LARGE1: variants seen among roughly 807,000 people sequenced by gnomAD.
LARGE1 encodes LARGE xylosyl- and glucuronyltransferase 1.
A neutral mutation model predicts 87.6 loss-of-function variants in LARGE1; 43 were observed. That is an observed-to-expected ratio of 0.49 (90% CI 0.38 to 0.63). The LOEUF (loss-of-function observed/expected upper bound fraction) is 0.63. Among genes scored for constraint, LARGE1 ranks in the 30% least tolerant of loss-of-function variants. LARGE1 has a pLI of 0.00. For missense variants in LARGE1, 802 were observed against 1,000.2 expected, an observed-to-expected ratio of 0.80 and a Z score of 2.67; for synonymous variants, 434 against 394.6, an observed-to-expected ratio of 1.10 and a Z score of -1.18.
chr22:33,626,446 A>G lies in LARGE1; in HGVS notation c.409-120T>C, dbSNP rs2079925653. 28 of 758,492 alleles carry G rather than the reference A, an allele frequency of 3.7e-5. 1 individual carries two copies. The South Asian group carries it at 4.1e-4, about 11-fold the overall frequency. The allele number at this position is 758,492 out of a possible 1,614,324, so 47.0% of individuals were successfully genotyped here. ...TTCTTGTTGGCATCATTAGAAAACAAAGGACACTGTCTGCAGCTGTGGAAA... is the reference window on the plus strand; with the variant it reads ...TTCTTGTTGGCATCATTAGAAAACAGAGGACACTGTCTGCAGCTGTGGAAA... On this transcript the variant is annotated intron_variant, in intron 3 of 14. Coordinates refer to ENST00000397394, the MANE Select transcript of LARGE1 (RefSeq NM_133642.5).
intron 1 of LARGE1, among the ~76,000 whole-genome samples, chr22:33,811,160 C>T (rs889657528): frequency 5.9e-5 from 9 of 152,144 alleles, no homozygotes; most frequent in African/African-American, 1.9e-4. Context: ...GTCTGCTCCT[C>T]CATAAAGTCA....
At chr22:33,367,505 G>A (rs2064640702) in intron 9 of LARGE1, among the ~76,000 whole-genome samples, 1 of 152,118 alleles carries the variant, frequency 6.6e-6, no homozygotes, top group Non-Finnish European at 1.5e-5. Context: ...GCAGTCTGGA[G>A]CTCCTGGGCT....
chr22:33,177,039 C>T (rs1383319696), intron 11 of LARGE1, among the ~76,000 whole-genome samples: 1 of 152,156 alleles, frequency 6.6e-6, no homozygotes, highest in African/African-American at 2.4e-5. Flanking sequence ...CTGTCATTCT[C>T]AGCAAACTAA....
Position 33,337,784 on chromosome 22 carries a change from G to C in LARGE1, c.1149C>G (p.Ser383=). 1.2e-6 allele frequency: 2 copies of C among 1,614,230 alleles called. No individual in the cohort carries two copies. Among genetic ancestry groups the C allele is most frequent in the Non-Finnish European group, 1.7e-6 (2 of 1,180,040 alleles). The change falls in exon 10 of 15, where the codon TCC becomes TCG. Residue 383 remains serine (S), a synonymous_variant. Transcript: ENST00000397394. ...TGTTCTTCACCCGGAGCTTCTTGGG[G>C]GAGTTCCAGTGAATGACCTGGCAGG... ...VSDLKVIHWN[S]PKKLRVKNKH...
At chr22:33,650,272 T>C in intron 3 of LARGE1, 95 bp downstream of exon 3, 6 of 1,458,796 alleles carry the variant, frequency 4.1e-6, no homozygotes, top group Non-Finnish European at 5.7e-6. Flanking sequence ...ATGCCAGCTC[T>C]TGGCATCTGG....
At chr22:33,093,255 G>A in the LARGE1 span, among the ~76,000 whole-genome samples, 11 of 152,174 alleles carry the variant, frequency 7.2e-5, no homozygotes, top group South Asian at 2.1e-4. Flanking sequence ...CATTTTCCCC[G>A]AATGGTTGTA....
At chr22:33,337,850 G>GA in intron 9 of LARGE1, 49 bp from the exon 10 acceptor site, 1 of 1,589,940 alleles carries the variant, frequency 6.3e-7, no homozygotes, top group South Asian at 1.1e-5. Flanking sequence ...GTGGGGTGGG[G>GA]ATCCCTCACA....
At position 33,734,088 on chromosome 22, in the gene LARGE1, A is replaced by T. The variant is rs146946957; in HGVS notation, c.106+27283T>A. ...CAGGAGTCCTCAGCTTCTAAATGAC[A>T]TCCTCCGTGTGTCTCACATCATCTG... On this transcript the variant is annotated intron_variant, in intron 2 of 14. Transcript: ENST00000397394. 2.2e-3 allele frequency among the ~76,000 whole-genome samples: 336 copies of T among 152,266 alleles called. 1 individual carries two copies. Among genetic ancestry groups the T allele is most frequent in the African/African-American group, 7.8e-3 (325 of 41,570 alleles).
the LARGE1 span, among the ~76,000 whole-genome samples, chr22:33,068,440 T>C: frequency 1.3e-5 from 2 of 152,040 alleles, no homozygotes; most frequent in African/African-American, 4.8e-5. Context: ...GGTCAGGAGA[T>C]CGAGACCATC....
intron 9 of LARGE1, among the ~76,000 whole-genome samples, chr22:33,348,267 C>T (rs1036719323): frequency 2.9e-4 from 31 of 106,156 alleles, no homozygotes; most frequent in African/African-American, 8.5e-4. Context: ...ACTCTGTCCC[C>T]GCTCCCCCAC....
chr22:33,524,314 AT>A (rs1361237252), intron 6 of LARGE1, among the ~76,000 whole-genome samples: 16 of 151,766 alleles, frequency 1.1e-4, no homozygotes, highest in South Asian at 2.1e-4. Context: ...AATAATAATA[AT>A]AAAATCAAGC....
intron 2 of LARGE1, among the ~76,000 whole-genome samples, chr22:33,671,272 T>C (rs929151203): frequency 4.6e-5 from 7 of 152,192 alleles, no homozygotes; most frequent in Non-Finnish European, 8.8e-5. Flanking sequence ...ATGGCTACAT[T>C]TCACCATCTA....
intron 1 of LARGE1, among the ~76,000 whole-genome samples, chr22:33,847,031 T>G (rs2063454259): frequency 1.3e-5 from 2 of 152,206 alleles, no homozygotes; most frequent in African/African-American, 4.8e-5. Flanking sequence ...CCTCCCCTTT[T>G]GAAACTCCCT....
chr22:33,912,752 A>T (rs2065671922), intron 1 of LARGE1, among the ~76,000 whole-genome samples: 1 of 149,664 alleles, frequency 6.7e-6, no homozygotes. Context: ...AAAGCCTCAT[A>T]AGAGATAAAG....
chr22:33,169,669 G>A (rs1003885765), intron 11 of LARGE1, among the ~76,000 whole-genome samples: 2 of 151,768 alleles, frequency 1.3e-5, no homozygotes, highest in East Asian at 3.9e-4. Flanking sequence ...GGCTAACATG[G>A]TGAAACCCCG....
intron 2 of LARGE1, among the ~76,000 whole-genome samples, chr22:33,694,182 G>T (rs2082177929): frequency 6.6e-6 from 1 of 152,194 alleles, no homozygotes; most frequent in Non-Finnish European, 1.5e-5. Context: ...CAACAACGTG[G>T]ACTGGCTACA....
intron 13 of LARGE1, among the ~76,000 whole-genome samples, chr22:33,282,930 C>A (rs1050365326): frequency 6.6e-6 from 1 of 152,170 alleles, no homozygotes; most frequent in Non-Finnish European, 1.5e-5. Flanking sequence ...ATAAGCTAAA[C>A]CTTCCTACCC....
chr22:33,471,142 C>T (rs1458369969), intron 6 of LARGE1, among the ~76,000 whole-genome samples: 1 of 151,694 alleles, frequency 6.6e-6, no homozygotes, highest in Non-Finnish European at 1.5e-5. Context: ...ATTCTCATGC[C>T]TCAGCCTTCC....
the LARGE1 span, among the ~76,000 whole-genome samples, chr22:33,123,263 C>T: frequency 6.6e-6 from 1 of 152,184 alleles, no homozygotes; most frequent in Admixed American, 6.5e-5. Flanking sequence ...TTTCTTTTTA[C>T]AGAATAAATC....
Sources: gnomAD v4.1 joint callset for allele counts (sites outside exome capture counted in the v4.1 genomes callset) on GRCh38, gnomAD v4.1.1 for gene constraint, MANE v1.5 for transcripts, NCBI Gene and HGNC (gene_info 2026-07-23, HGNC 2026-07-21) for gene names.